The following PRRX1 variants were observed in gnomAD, a reference collection of about 807,000 sequenced individuals.
PRRX1 encodes paired mesoderm homeobox protein 1.
In PRRX1, 8 loss-of-function variants were observed where a neutral mutation model predicts 24.0. The ratio of observed to expected loss-of-function variants is 0.33; its 90% CI spans 0.20 to 0.60. PRRX1 has a LOEUF of 0.60. PRRX1 is among the 20% of genes least tolerant of loss of function. The pLI is 0.82. For missense variants in PRRX1, 281 were observed against 322.4 expected (o/e 0.87, Z 0.98); for synonymous variants, 160 against 131.7 (o/e 1.22, Z -1.47).
chr1:170,692,433 C>A (rs1654019776), intron 1 of PRRX1, among the ~76,000 whole-genome samples: 1 of 151,936 alleles, frequency 6.6e-6, no homozygotes, highest in African/African-American at 2.4e-5. Context: ...ACATATTTTA[C>A]AATGTAGCTA....
chr1:170,684,066 C>T (rs559418951), intron 1 of PRRX1, among the ~76,000 whole-genome samples: 3 of 152,282 alleles, frequency 2.0e-5, no homozygotes, highest in East Asian at 1.9e-4. Context: ...ATCCAGCTGG[C>T]GAGATGGATC....
intron 1 of PRRX1, among the ~76,000 whole-genome samples, chr1:170,673,898 G>A (rs1487172180): frequency 1.3e-5 from 2 of 152,118 alleles, no homozygotes; most frequent in Non-Finnish European, 2.9e-5. Context: ...CTGCACTGCT[G>A]TACCACCCTC....
intron 3 of PRRX1, chr1:170,727,345 A>T (rs1193669976): frequency 6.6e-6 from 1 of 152,160 alleles, no homozygotes; most frequent in East Asian, 1.9e-4. Flanking sequence ...TTTCTTTGAA[A>T]ATATACCTGA....
intron 1 of PRRX1, among the ~76,000 whole-genome samples, chr1:170,691,555 C>T (rs1653981783): frequency 6.8e-6 from 1 of 147,758 alleles, no homozygotes; most frequent in Non-Finnish European, 1.5e-5. Flanking sequence ...TCCTCCCTCC[C>T]TCCTTGCCTG....
rs148174451 is a variant in PRRX1 at position 170,666,285 on chromosome 1, C to G, written c.241+1826C>G. Among the ~76,000 whole-genome samples the G allele has an allele frequency of 3.4e-3, 509 of 151,764 alleles. 2 individuals carry two copies. Among genetic ancestry groups the G allele is most frequent in the African/African-American group, 0.012 (478 of 41,378 alleles). ...ATACAAAAATTAGCCGGGCGTAGTG[C>G]CGAGCGCCTGTAATCCCGGTTACTC... On this transcript the variant is annotated intron_variant, in intron 1 of 3. Transcript: ENST00000239461.
At chr1:170,667,154 A>T (rs1652966124) in intron 1 of PRRX1, among the ~76,000 whole-genome samples, 1 of 152,174 alleles carries the variant, frequency 6.6e-6, no homozygotes, top group Non-Finnish European at 1.5e-5. Flanking sequence ...AGACCCAGAA[A>T]GGAAACTGAG....
intron 1 of PRRX1, among the ~76,000 whole-genome samples, chr1:170,714,508 T>G (rs1654845044): frequency 6.6e-6 from 1 of 152,220 alleles, no homozygotes; most frequent in South Asian, 2.1e-4. Context: ...CCCAAACTGA[T>G]GTGACCCAGG....
At chr1:170,677,588 A>G (rs1653366502) in intron 1 of PRRX1, among the ~76,000 whole-genome samples, 2 of 152,220 alleles carry the variant, frequency 1.3e-5, no homozygotes, top group Non-Finnish European at 2.9e-5. Context: ...GCATATTCCA[A>G]AAGCCATACT....
chr1:170,720,831 C>A (rs1175423860), intron 2 of PRRX1, among the ~76,000 whole-genome samples: 1 of 152,158 alleles, frequency 6.6e-6, no homozygotes, highest in Non-Finnish European at 1.5e-5. Context: ...CCATGACACA[C>A]CAACTGCAAG....
At position 170,737,234 on chromosome 1, in the gene PRRX1, C is replaced by T. The variant is rs1352030297; in HGVS notation, c.*1048C>T. The stretch of plus-strand genomic sequence containing the variant: ...CCCAAACAATACAAAAAGCAAATTA[C>T]ACACCCTCACCACTGTTCTTATCTC... On this transcript the variant is annotated 3_prime_UTR_variant, in exon 4 of 4. Coordinates refer to ENST00000239461, the MANE Select transcript of PRRX1 (RefSeq NM_022716.4). 1 of 177,940 alleles carries T rather than the reference C, an allele frequency of 5.6e-6. No individual in the cohort carries two copies. Among genetic ancestry groups the T allele is most frequent in the Non-Finnish European group, 1.2e-5 (1 of 83,072 alleles). The allele number at this position is 177,940 out of a possible 1,614,324, so 11.0% of individuals were successfully genotyped here.
intron 1 of PRRX1, among the ~76,000 whole-genome samples, chr1:170,700,177 T>C (rs1268908671): frequency 1.5e-5 from 2 of 135,472 alleles, no homozygotes; most frequent in Non-Finnish European, 3.3e-5. Context: ...TTGGAAGTTA[T>C]TTTTTTGTGT....
chr1:170,704,724 C>G (rs1306767282), intron 1 of PRRX1, among the ~76,000 whole-genome samples: 1 of 152,110 alleles, frequency 6.6e-6, no homozygotes, highest in African/African-American at 2.4e-5. Context: ...TAGATTTTCC[C>G]CAACAGATCT....
Position 170,686,806 on chromosome 1 carries a change from T to C in PRRX1, c.241+22347T>C, listed in dbSNP as rs558266460. Among the ~76,000 whole-genome samples, 6 of 152,332 alleles carry C rather than the reference T, an allele frequency of 3.9e-5. No individual in the cohort carries two copies. The East Asian group carries it at 1.2e-3, about 29-fold the overall frequency. Reference sequence around the variant, plus strand: ...TTTCCTTATCAGAGAATCTACACTTTGAGGGTTCAAAATCATTTGGAAATG... The same window carrying C: ...TTTCCTTATCAGAGAATCTACACTTCGAGGGTTCAAAATCATTTGGAAATG... On this transcript the variant is annotated intron_variant, in intron 1 of 3. Transcript: ENST00000239461.
At chr1:170,686,499 G>GTC (rs1417334286) in intron 1 of PRRX1, among the ~76,000 whole-genome samples, 1 of 151,796 alleles carries the variant, frequency 6.6e-6, no homozygotes, top group African/African-American at 2.4e-5. Context: ...TAAGAAAAAT[G>GTC]TGACCTGCCA....
chr1:170,668,767 G>C (rs1653038352), intron 1 of PRRX1: 1 of 152,134 alleles, frequency 6.6e-6, no homozygotes, highest in Non-Finnish European at 1.5e-5. Flanking sequence ...CAACCCTGGC[G>C]CCAGAAATTT....
intron 1 of PRRX1, among the ~76,000 whole-genome samples, chr1:170,716,723 A>G (rs1458297890): frequency 6.6e-6 from 1 of 152,224 alleles, no homozygotes; most frequent in East Asian, 1.9e-4. Flanking sequence ...GCATGTTTCA[A>G]AATCAACTTT....
chr1:170,683,542 C>T (rs78909375), intron 1 of PRRX1, among the ~76,000 whole-genome samples: 2,322 of 152,208 alleles, frequency 0.015, 22 homozygotes, highest in Admixed American at 0.024. Flanking sequence ...TGGTGGGCTC[C>T]CTAGAAGCAG....
intron 1 of PRRX1, chr1:170,667,810 T>C (rs1445579899): frequency 6.6e-6 from 1 of 152,258 alleles, no homozygotes; most frequent in Non-Finnish European, 1.5e-5. Context: ...GAAACAGTCC[T>C]CGTCCTTTCT....
At chr1:170,722,963 C>T (rs17551172) in intron 2 of PRRX1, among the ~76,000 whole-genome samples, 34,941 of 152,046 alleles carry the variant, frequency 0.23, 4,620 homozygotes, top group Middle Eastern at 0.35. Flanking sequence ...CTCTAGAGGG[C>T]CAGTGTATGA....
Sources: gnomAD v4.1 joint callset for allele counts (sites outside exome capture counted in the v4.1 genomes callset) on GRCh38, gnomAD v4.1.1 for gene constraint, MANE v1.5 for transcripts, NCBI Gene and HGNC (gene_info 2026-07-23, HGNC 2026-07-21) for gene names.